PCM1: variants seen among roughly 807,000 people sequenced by gnomAD.
The protein encoded by PCM1 is pericentriolar material 1 protein.
A neutral mutation model predicts 241.9 loss-of-function variants in PCM1; 157 were observed. The ratio of observed to expected loss-of-function variants is 0.65; its 90% CI spans 0.57 to 0.74. The LOEUF (loss-of-function observed/expected upper bound fraction) is 0.74, where lower values mean the gene tolerates loss of function less well. Ranked by LOEUF, PCM1 falls within the 30% of genes least tolerant of loss-of-function variation. PCM1 has a pLI of 0.00. For synonymous variants in PCM1, 1,085 were observed against 784.9 expected (o/e 1.38, Z -6.39); for missense variants, 3,478 against 2,360.1 (o/e 1.47, Z -9.81).
chr8:17,955,431 G>T, intron 9 of PCM1, 39 bp from the exon 10 acceptor site: 6 of 1,463,984 alleles, frequency 4.1e-6, no homozygotes, highest in Non-Finnish European at 4.6e-6. Context: ...ATGGTAACTG[G>T]TGATTAAAAA....
chr8:17,936,918 T>C (rs2060594523), intron 3 of PCM1, among the ~76,000 whole-genome samples: 1 of 152,184 alleles, frequency 6.6e-6, no homozygotes, highest in Non-Finnish European at 1.5e-5. Flanking sequence ...GATAAGAAAA[T>C]AATCTCTTTT....
intron 36 of PCM1, among the ~76,000 whole-genome samples, chr8:18,020,826 GATTTTGGA>G (rs1219862088): frequency 1.3e-5 from 2 of 152,146 alleles, no homozygotes; most frequent in Non-Finnish European, 2.9e-5. Context: ...AGTGAGTGAT[GATTTTGGA>G]ATGTTGTGGA....
At chr8:17,943,604 A>G (rs948874700) in intron 6 of PCM1, among the ~76,000 whole-genome samples, 1 of 151,920 alleles carries the variant, frequency 6.6e-6, no homozygotes, top group Non-Finnish European at 1.5e-5. Context: ...CTTATAAGTG[A>G]TTATTATTCT....
intron 2 of PCM1, among the ~76,000 whole-genome samples, chr8:17,928,185 A>G (rs1337418402): frequency 3.9e-5 from 6 of 152,260 alleles, no homozygotes; most frequent in Non-Finnish European, 8.8e-5. Context: ...CAAAATTTCA[A>G]CCTTGGGTGG....
intron 35 of PCM1, 111 bp from the exon 36 acceptor site, chr8:18,014,473 G>T (rs2092925988): frequency 1.2e-6 from 1 of 823,394 alleles, no homozygotes; most frequent in Admixed American, 3.6e-5. Flanking sequence ...TTTCTTTTTG[G>T]TCTTAAATAT....
At chr8:17,988,706 C>G (rs1409407673) in intron 26 of PCM1, among the ~76,000 whole-genome samples, 2 of 151,810 alleles carry the variant, frequency 1.3e-5, no homozygotes, top group African/African-American at 4.8e-5. Context: ...GAGATTTGAA[C>G]AGGCACTTAA....
intron 4 of PCM1, among the ~76,000 whole-genome samples, chr8:17,938,069 C>T (rs954157083): frequency 2.0e-5 from 3 of 151,998 alleles, no homozygotes; most frequent in African/African-American, 2.4e-5. Flanking sequence ...GGGTCCAAAG[C>T]GTATAAAAAT....
Position 18,010,596 on chromosome 8 carries a change from A to T in PCM1, c.5161-13A>T, listed in dbSNP as rs2092343356. 3.8e-6 allele frequency: 6 copies of T among 1,579,780 alleles called. No homozygotes were observed. Among genetic ancestry groups the T allele is most frequent in the Non-Finnish European group, 5.2e-6 (6 of 1,161,920 alleles). On this transcript the variant is annotated splice_polypyrimidine_tract_variant and intron_variant, in intron 31 of 38. Coordinates refer to ENST00000325083, the MANE Select transcript of PCM1 (RefSeq NM_006197.4). ...TATGTTGCTAAATTCTGTGTAATTGATTTGTTTTAAAGGCTAAAAGGATTC... is the reference window on the plus strand; with the variant it reads ...TATGTTGCTAAATTCTGTGTAATTGTTTTGTTTTAAAGGCTAAAAGGATTC...
rs377239530 is a variant in PCM1, at chr8:17,937,412, A to C, written c.342+33A>C. 1.9e-5 allele frequency: 28 copies of C among 1,491,454 alleles called. No individual in the cohort carries two copies. The African/African-American group carries it at 3.8e-4, about 20-fold the overall frequency. The allele number at this position is 1,491,454 out of a possible 1,614,324, so 92.4% of individuals were successfully genotyped here. A position where few individuals can be genotyped will look rare whatever the true frequency, so the allele number is the denominator to read the frequency against. ...AATTATTTTTAAAAATGAAGCTATT[A>C]CTGTGAGAAATACTTGAAATGGATT... On this transcript the variant is annotated intron_variant, in intron 4 of 38. Transcript: ENST00000325083.
At chr8:17,925,077 C>T (rs530063091) in intron 2 of PCM1, 1 of 152,320 alleles carries the variant, frequency 6.6e-6, no homozygotes, top group African/African-American at 2.4e-5. Context: ...TTGAATTTGT[C>T]CTATAACTGG....
At chr8:17,975,964 C>T (rs2078628193) in intron 23 of PCM1, among the ~76,000 whole-genome samples, 1 of 152,134 alleles carries the variant, frequency 6.6e-6, no homozygotes, top group Non-Finnish European at 1.5e-5. Context: ...ACACTATACT[C>T]TTCTGATATT....
chr8:17,963,210 A>G lies in PCM1; in HGVS notation c.2573A>G (p.Glu858Gly). Residue 858 changes from glutamate to glycine, a missense_variant, in exon 17 of 39, where the codon GAA becomes GGA. By Grantham distance (98) the Glu-to-Gly change is moderately conservative (BLOSUM62 -2). Transcript: ENST00000325083. Reference protein sequence around the residue: ...AEHQRRQGLAETASPVAVSLR... With the variant: ...AEHQRRQGLAGTASPVAVSLR... The stretch of plus-strand genomic sequence containing the variant: ...CATCAGAGGAGGCAAGGTCTAGCTG[A>G]AACTGCATCTCCAGTGGCTGTGTCA... The G allele has an allele frequency of 6.2e-7, 1 of 1,613,730 alleles. No homozygotes were observed. Among genetic ancestry groups the G allele is most frequent in the Non-Finnish European group, 8.5e-7 (1 of 1,179,748 alleles).
intron 2 of PCM1, among the ~76,000 whole-genome samples, chr8:17,930,645 G>A (rs186746606): frequency 8.6e-5 from 13 of 151,684 alleles, no homozygotes; most frequent in East Asian, 2.0e-4. Context: ...TTGGGAGGCC[G>A]AGGCGGGCGG....
intron 23 of PCM1, among the ~76,000 whole-genome samples, chr8:17,975,564 G>A (rs1369890329): frequency 6.6e-6 from 1 of 152,046 alleles, no homozygotes; most frequent in African/African-American, 2.4e-5. Flanking sequence ...TATAGAGTGG[G>A]GAACAAGCAG....
At chr8:17,924,002 G>C (rs1370478883) in intron 1 of PCM1, among the ~76,000 whole-genome samples, 4 of 82,560 alleles carry the variant, frequency 4.8e-5, no homozygotes, top group African/African-American at 1.6e-4. Flanking sequence ...TTTTTGTTTT[G>C]TTTTGTTTTT....
At chr8:18,003,010 G>T (rs933060138) in intron 29 of PCM1, among the ~76,000 whole-genome samples, 26 of 152,112 alleles carry the variant, frequency 1.7e-4, no homozygotes, top group African/African-American at 5.1e-4. Flanking sequence ...ATACCTACCT[G>T]CATGGCTTGT....
At chr8:17,981,080 G>A (rs1157695844) in intron 24 of PCM1, among the ~76,000 whole-genome samples, 1 of 152,044 alleles carries the variant, frequency 6.6e-6, no homozygotes, top group Admixed American at 6.6e-5. Context: ...CAATCCTTTG[G>A]CTTACTGTGC....
chr8:17,947,754 G>A (rs555471139), intron 7 of PCM1, among the ~76,000 whole-genome samples: 30 of 152,184 alleles, frequency 2.0e-4, no homozygotes, highest in Non-Finnish European at 4.4e-4. Flanking sequence ...AACCTTAAGT[G>A]AGGCAGTGAG....
chr8:17,966,681 A>T (rs1453012253), intron 20 of PCM1, among the ~76,000 whole-genome samples: 1 of 152,218 alleles, frequency 6.6e-6, no homozygotes, highest in African/African-American at 2.4e-5. Flanking sequence ...ATTGAATTTT[A>T]CTTATATTTT....
Sources: allele counts gnomAD v4.1 joint callset (sites outside exome capture counted in the v4.1 genomes callset), GRCh38; gene constraint gnomAD v4.1.1; transcripts MANE v1.5; gene names NCBI Gene and HGNC (gene_info 2026-07-23, HGNC 2026-07-21).